STK38L: variants seen among roughly 807,000 people sequenced by gnomAD.
STK38L encodes serine/threonine-protein kinase 38-like.
STK38L carries 28 observed loss-of-function variants against 59.7 expected under a neutral mutation model. That is an observed-to-expected ratio of 0.47 (90% confidence interval 0.35 to 0.64). The LOEUF (loss-of-function observed/expected upper bound fraction) is 0.64, where lower values mean the gene tolerates loss of function less well. Ranked by LOEUF, STK38L falls within the 30% of genes least tolerant of loss-of-function variation. STK38L has a pLI of 0.01. For synonymous variants in STK38L, 162 were observed against 176.8 expected (o/e 0.92, Z 0.66); for missense variants, 314 against 555.8 (o/e 0.56, Z 4.37).
At chr12:27,258,569 T>C (rs966053936) in intron 1 of STK38L, among the ~76,000 whole-genome samples, 1 of 152,356 alleles carries the variant, frequency 6.6e-6, no homozygotes, top group South Asian at 2.1e-4. Flanking sequence ...CCTCAGGTGA[T>C]GTGCCCGCCT....
intron 1 of STK38L, among the ~76,000 whole-genome samples, chr12:27,244,881 C>CTT (rs1171394952): frequency 2.0e-5 from 3 of 152,242 alleles, no homozygotes; most frequent in African/African-American, 7.2e-5. Context: ...GTCTTAGAAT[C>CTT]TGTCTTTACC....
At chr12:27,321,427 C>A (rs916172156) in intron 12 of STK38L, among the ~76,000 whole-genome samples, 1 of 152,098 alleles carries the variant, frequency 6.6e-6, no homozygotes, top group Non-Finnish European at 1.5e-5. Context: ...AATATATAGT[C>A]CCTTCACCTA....
At chr12:27,260,565 A>T (rs1343422840) in intron 1 of STK38L, among the ~76,000 whole-genome samples, 1 of 152,098 alleles carries the variant, frequency 6.6e-6, no homozygotes, top group African/African-American at 2.4e-5. Context: ...TCTGTGCCGT[A>T]CTGAACTCCT....
chr12:27,310,820 A>T (rs1216290706), intron 5 of STK38L, among the ~76,000 whole-genome samples: 1 of 152,070 alleles, frequency 6.6e-6, no homozygotes, highest in Non-Finnish European at 1.5e-5. Context: ...GGGGGCGGAA[A>T]TCTCTCCGTA....
At chr12:27,285,481 C>G (rs1943752109) in intron 1 of STK38L, among the ~76,000 whole-genome samples, 1 of 152,176 alleles carries the variant, frequency 6.6e-6, no homozygotes, top group African/African-American at 2.4e-5. Context: ...CACTCTCTAT[C>G]TCTCATTCCT....
At chr12:27,318,573 A>G (rs1944643817) in intron 11 of STK38L, among the ~76,000 whole-genome samples, 1 of 152,194 alleles carries the variant, frequency 6.6e-6, no homozygotes, top group Non-Finnish European at 1.5e-5. Context: ...ACGTATAAAG[A>G]TTTAGGTACA....
intron 1 of STK38L, among the ~76,000 whole-genome samples, chr12:27,280,102 T>C (rs1407384386): frequency 5.3e-5 from 8 of 152,226 alleles, no homozygotes; most frequent in Admixed American, 5.2e-4. Context: ...CCCATGGTTA[T>C]TATTTTTACT....
chr12:27,305,579 G>A (rs992466103), intron 3 of STK38L, among the ~76,000 whole-genome samples: 1 of 152,160 alleles, frequency 6.6e-6, no homozygotes, highest in South Asian at 2.1e-4. Context: ...AAATAAAATT[G>A]TCTCATAAAA....
At chr12:27,256,258 T>G (rs1353339285) in intron 1 of STK38L, among the ~76,000 whole-genome samples, 7 of 152,338 alleles carry the variant, frequency 4.6e-5, no homozygotes, top group African/African-American at 1.4e-4. Flanking sequence ...ACTTTCATCC[T>G]TAAAATTTCT....
intron 1 of STK38L, among the ~76,000 whole-genome samples, chr12:27,296,755 T>C (rs1944033303): frequency 6.6e-6 from 1 of 152,236 alleles, no homozygotes; most frequent in Non-Finnish European, 1.5e-5. Flanking sequence ...CAGATGTGGC[T>C]GTAGTAGGCA....
intron 10 of STK38L, 29 bp from the exon 11 acceptor site, chr12:27,317,867 G>T: frequency 6.2e-7 from 1 of 1,611,026 alleles, no homozygotes; most frequent in East Asian, 2.2e-5. Context: ...CAAAGCTGAT[G>T]AAACATTTTT....
chr12:27,278,763 TA>T (rs1943590571), intron 1 of STK38L, among the ~76,000 whole-genome samples: 1 of 152,214 alleles, frequency 6.6e-6, no homozygotes, highest in Admixed American at 6.5e-5. Context: ...TCAGTTTGGA[TA>T]CTTGTCCCCT....
chr12:27,257,304 G>T (rs1943110609), intron 1 of STK38L, among the ~76,000 whole-genome samples: 1 of 152,164 alleles, frequency 6.6e-6, no homozygotes, highest in African/African-American at 2.4e-5. Flanking sequence ...TTATAAGGAT[G>T]CAGCTGTCCA....
chr12:27,287,975 C>T (rs1283767873), intron 1 of STK38L, among the ~76,000 whole-genome samples: 1 of 152,154 alleles, frequency 6.6e-6, no homozygotes, highest in South Asian at 2.1e-4. Context: ...CTCTGCCTCC[C>T]GGGTTCAAGT....
intron 5 of STK38L, 39 bp downstream of exon 5, chr12:27,309,236 C>G (rs748898828): frequency 2.8e-6 from 4 of 1,449,410 alleles, no homozygotes; most frequent in African/African-American, 1.4e-5. Flanking sequence ...AAGGAGCATC[C>G]ACTGACGCAG....
intron 1 of STK38L, among the ~76,000 whole-genome samples, chr12:27,291,131 A>C (rs577345063): frequency 1.3e-5 from 2 of 152,198 alleles, no homozygotes; most frequent in South Asian, 4.1e-4. Flanking sequence ...TTGGGTAAAA[A>C]CTCAATAAAT....
chr12:27,274,752 CTT>C (rs1229851197), intron 1 of STK38L, among the ~76,000 whole-genome samples: 1 of 152,148 alleles, frequency 6.6e-6, no homozygotes, highest in Non-Finnish European at 1.5e-5. Context: ...AAACTCGTCT[CTT>C]TTATACTTTG....
intron 5 of STK38L, among the ~76,000 whole-genome samples, chr12:27,311,357 T>C (rs1416792599): frequency 6.6e-6 from 1 of 152,236 alleles, no homozygotes; most frequent in Non-Finnish European, 1.5e-5. Context: ...TTTACTGCAC[T>C]AGGAGTAATT....
At chr12:27,250,868 G>A (rs1942958063) in intron 1 of STK38L, among the ~76,000 whole-genome samples, 1 of 151,742 alleles carries the variant, frequency 6.6e-6, no homozygotes, top group South Asian at 2.1e-4. Flanking sequence ...GCGTGGTGGC[G>A]GGCACCTGTA....
Sources: gnomAD v4.1 joint callset for allele counts (sites outside exome capture counted in the v4.1 genomes callset) on GRCh38, gnomAD v4.1.1 for gene constraint, MANE v1.5 for transcripts, NCBI Gene and HGNC (gene_info 2026-07-23, HGNC 2026-07-21) for gene names.